Variants in BRD3OS observed in about 807,000 individuals in gnomAD.
BRD3OS encodes BRD3 opposite strand.
chr9:134,026,893 G>A lies in BRD3OS; in HGVS notation c.146G>A (p.Arg49Gln). The change falls in exon 3 of 3, where the codon CGA becomes CAA. Residue 49 changes from arginine (R) to glutamine (Q), a missense_variant. Arg to Gln is a conservative substitution (Grantham distance 43). Coordinates refer to ENST00000603928, the MANE Select transcript of BRD3OS (RefSeq NM_001355256.2). The surrounding 1 kb of genome is among the most constrained non-coding windows in gnomAD (Gnocchi z 4.4). ...VPPGTYLSRSRSMWYSQYGNE... is the reference protein window; with the variant it reads ...VPPGTYLSRSQSMWYSQYGNE... ...CCTGGGACGTACCTGAGCAGGAGCC[G>A]AAGCATGTGGTACTCACAGTATGGA... The A allele has an allele frequency of 2.5e-6, 1 of 398,968 alleles. No individual in the cohort carries two copies. The highest frequency in any genetic ancestry group is 4.4e-6 in the Non-Finnish European group (1 of 226,066). 24.7% of individuals were successfully genotyped at this position (398,968 alleles called of 1,614,324 possible).
Position 134,030,853 on chromosome 9 carries a change from C to G in BRD3OS, c.*3851C>G. On this transcript the variant is annotated 3_prime_UTR_variant, in exon 3 of 3. Coordinates refer to ENST00000603928, the MANE Select transcript of BRD3OS (RefSeq NM_001355256.2). ...GCCTCCAGGGGTCATTCAGAGTGTT[C>G]TCAAATCCAATTCCGACACACGACT... 1 of 232,544 alleles carries G rather than the reference C, an allele frequency of 4.3e-6. No homozygotes were observed. The highest frequency in any genetic ancestry group is 8.5e-6 in the Non-Finnish European group (1 of 117,586). The allele number at this position is 232,544 out of a possible 1,614,324, so 14.4% of individuals were successfully genotyped here.
Position 134,025,920 on chromosome 9 carries a change from G to A in BRD3OS, c.-711G>A, listed in dbSNP as rs961377545. The A allele has an allele frequency of 6.6e-6, 1 of 152,260 alleles. No individual in the cohort carries two copies. The highest frequency in any genetic ancestry group is 1.5e-5 in the Non-Finnish European group (1 of 68,082). 9.4% of individuals were successfully genotyped at this position (152,260 alleles called of 1,614,324 possible). ...CCTTCCGGTCCCGGGGCTGACGCCT[G>A]GCGGCGTCTCCGGGAACCCGCGCCC... On this transcript the variant is annotated 5_prime_UTR_variant, in exon 2 of 3. Coordinates refer to ENST00000603928, the MANE Select transcript of BRD3OS (RefSeq NM_001355256.2).
rs1843503058 is a variant in BRD3OS, at chr9:134,030,956, A to C, written c.*3954A>C. On this transcript the variant is annotated 3_prime_UTR_variant, in exon 3 of 3. Transcript: ENST00000603928. ...TCTCAGCAGTGGGACAATCTAATTG[A>C]ATCACCGCAGCCTTCTAATACAGAA... 1 of 231,504 alleles carries C rather than the reference A, an allele frequency of 4.3e-6. No homozygotes were observed. Among genetic ancestry groups the C allele is most frequent in the Non-Finnish European group, 8.5e-6 (1 of 116,980 alleles). The allele number at this position is 231,504 out of a possible 1,614,324, so 14.3% of individuals were successfully genotyped here.
In BRD3OS at chr9:134,027,695, T is replaced by A. The variant is rs1247970260; in HGVS notation, c.*693T>A. The A allele has an allele frequency of 6.6e-6, 1 of 152,148 alleles. No homozygotes were observed. Among genetic ancestry groups the A allele is most frequent in the Non-Finnish European group, 1.5e-5 (1 of 68,034 alleles). The allele number at this position is 152,148 out of a possible 1,614,324, so 9.4% of individuals were successfully genotyped here. A position where few individuals can be genotyped will look rare whatever the true frequency, so the allele number is the denominator to read the frequency against. ...AGAGTGCTGGGATTACAGGCATGGG[T>A]CACCGCACCAAGCCCGCATTTATAT... On this transcript the variant is annotated 3_prime_UTR_variant, in exon 3 of 3. Coordinates refer to ENST00000603928, the MANE Select transcript of BRD3OS (RefSeq NM_001355256.2).
chr9:134,026,797 C>T lies in BRD3OS; in HGVS notation c.50C>T (p.Ala17Val). The T allele has an allele frequency of 2.5e-6, 1 of 398,914 alleles. No homozygotes were observed. Among genetic ancestry groups the T allele is most frequent in the East Asian group, 3.6e-5 (1 of 28,074 alleles). 24.7% of individuals were successfully genotyped at this position (398,914 alleles called of 1,614,324 possible). The change falls in exon 3 of 3, where the codon GCC becomes GTC. Residue 17 changes from alanine (A) to valine (V), a missense_variant. Transcript: ENST00000603928. The surrounding 1 kb of genome is among the most constrained non-coding windows in gnomAD (Gnocchi z 4.4). ...LAEKALSEGY[A>V]RLRYRDTSLL... is the part of the protein sequence containing the mutation. ...GAGAAGGCCTTGTCTGAAGGCTACG[C>T]CCGCCTCCGGTACAGGGACACCTCC...
rs1165828885 is a variant in BRD3OS, at chr9:134,028,059, A to G, written c.*1057A>G. 1 of 152,244 alleles carries G rather than the reference A, an allele frequency of 6.6e-6. No individual in the cohort carries two copies. The highest frequency in any genetic ancestry group is 1.5e-5 in the Non-Finnish European group (1 of 68,050). The allele number at this position is 152,244 out of a possible 1,614,324, so 9.4% of individuals were successfully genotyped here. On this transcript the variant is annotated 3_prime_UTR_variant, in exon 3 of 3. Transcript: ENST00000603928. Reference sequence around the variant, plus strand: ...ACAAATGTGCAGGTGTCTCTTGTCAAAGCTAATTTTTCTTTTCTAAATAAA... The same window carrying G: ...ACAAATGTGCAGGTGTCTCTTGTCAGAGCTAATTTTTCTTTTCTAAATAAA...
Position 134,027,494 on chromosome 9 carries a change from G to A in BRD3OS, c.*492G>A, listed in dbSNP as rs1343229368. The A allele has an allele frequency of 6.6e-6, 1 of 152,180 alleles. No homozygotes were observed. Among genetic ancestry groups the A allele is most frequent in the African/African-American group, 2.4e-5 (1 of 41,410 alleles). The allele number at this position is 152,180 out of a possible 1,614,324, so 9.4% of individuals were successfully genotyped here. A position where few individuals can be genotyped will look rare whatever the true frequency, so the allele number is the denominator to read the frequency against. Reference sequence around the variant, plus strand: ...GGGTCTCACTCTGTTACCCAGGCTGGAATACAGTGGCACAATCACAGCTCA... The same window carrying A: ...GGGTCTCACTCTGTTACCCAGGCTGAAATACAGTGGCACAATCACAGCTCA... On this transcript the variant is annotated 3_prime_UTR_variant, in exon 3 of 3. Transcript: ENST00000603928.
chr9:134,025,848 C>T lies in BRD3OS; in HGVS notation c.-783C>T, dbSNP rs544529113. The T allele has an allele frequency of 6.6e-6, 1 of 152,340 alleles. No individual in the cohort carries two copies. The highest frequency in any genetic ancestry group is 2.1e-4 in the South Asian group (1 of 4,832). The allele number at this position is 152,340 out of a possible 1,614,324, so 9.4% of individuals were successfully genotyped here. A position where few individuals can be genotyped will look rare whatever the true frequency, so the allele number is the denominator to read the frequency against. ...CATCGTTTTTGTTTGGGTCCAGGGG[C>T]CTCACGGGAGCTGGATGCTCGGAGC... On this transcript the variant is annotated 5_prime_UTR_variant, in exon 2 of 3. Transcript: ENST00000603928.
In BRD3OS at chr9:134,027,401, C is replaced by CG. The variant is rs1280949399; in HGVS notation, c.*401dup. On this transcript the variant is annotated 3_prime_UTR_variant, in exon 3 of 3. Coordinates refer to ENST00000603928, the MANE Select transcript of BRD3OS (RefSeq NM_001355256.2). ...AGTTTTTTGTTTTTAGCATAAATGG[C>CG]GGAGTAGCAGCAGCATCTCACCAGG... 1 of 155,770 alleles carries CG rather than the reference C, an allele frequency of 6.4e-6. No individual in the cohort carries two copies. Among genetic ancestry groups the CG allele is most frequent in the Non-Finnish European group, 1.4e-5 (1 of 70,690 alleles). The allele number at this position is 155,770 out of a possible 1,614,324, so 9.6% of individuals were successfully genotyped here.
chr9:134,026,806 G>A lies in BRD3OS; in HGVS notation c.59G>A (p.Arg20Gln), dbSNP rs1564542617. The change falls in exon 3 of 3, where the codon CGG (arginine) becomes CAG (glutamine). Residue 20 changes from arginine to glutamine, a missense_variant. Coordinates refer to ENST00000603928, the MANE Select transcript of BRD3OS (RefSeq NM_001355256.2). The surrounding 1 kb of genome is among the most constrained non-coding windows in gnomAD (Gnocchi z 4.4). ...KALSEGYARL[R>Q]YRDTSLLIWQ... Reference sequence around the variant, plus strand: ...TTGTCTGAAGGCTACGCCCGCCTCCGGTACAGGGACACCTCCTTGCTCATC... The same window carrying A: ...TTGTCTGAAGGCTACGCCCGCCTCCAGTACAGGGACACCTCCTTGCTCATC... The A allele has an allele frequency of 7.5e-6, 3 of 398,890 alleles. No homozygotes were observed. The East Asian group carries it at 1.1e-4, about 14-fold the overall frequency. 24.7% of individuals were successfully genotyped at this position (398,890 alleles called of 1,614,324 possible).
rs1424408845 is a variant in BRD3OS, at chr9:134,026,630, T to G, written c.-118T>G. 3 of 396,720 alleles carry G rather than the reference T, an allele frequency of 7.6e-6. No homozygotes were observed. The highest frequency in any genetic ancestry group is 1.3e-5 in the Non-Finnish European group (3 of 225,498). 24.6% of individuals were successfully genotyped at this position (396,720 alleles called of 1,614,324 possible). A position where few individuals can be genotyped will look rare whatever the true frequency, so the allele number is the denominator to read the frequency against. On this transcript the variant is annotated 5_prime_UTR_variant, in exon 3 of 3. Transcript: ENST00000603928. This position sits in a 1 kb window ranked among gnomAD's most constrained non-coding sequence, Gnocchi z 4.4. ...TGGGCGGAATTCCTAATTTCTACCA[T>G]TCAGTTAAACGAGGGATCCTTAAGC...
chr9:134,031,200 A>G lies in BRD3OS; in HGVS notation c.*4198A>G, dbSNP rs1843506441. 4.5e-6 allele frequency: 1 copy of G among 221,190 alleles called. No individual in the cohort carries two copies. The highest frequency in any genetic ancestry group is 9.0e-6 in the Non-Finnish European group (1 of 110,518). 13.7% of individuals were successfully genotyped at this position (221,190 alleles called of 1,614,324 possible). Reference sequence around the variant, plus strand: ...GCAGAGGCGAGCCGACGCCACCGTCACAGAGAACCAGCCGAGAAGGAAAGG... The same window carrying G: ...GCAGAGGCGAGCCGACGCCACCGTCGCAGAGAACCAGCCGAGAAGGAAAGG... On this transcript the variant is annotated 3_prime_UTR_variant, in exon 3 of 3. Coordinates refer to ENST00000603928, the MANE Select transcript of BRD3OS (RefSeq NM_001355256.2).
In BRD3OS at chr9:134,029,791, T is replaced by C. The variant is rs1843483631; in HGVS notation, c.*2789T>C. ...GGAGGGGACAAGCGGCCAGGTTGAC[T>C]AGAAGAGCACAGAACCTGGCTGTCT... On this transcript the variant is annotated 3_prime_UTR_variant, in exon 3 of 3. Transcript: ENST00000603928. 6.6e-6 allele frequency: 1 copy of C among 152,340 alleles called. No individual in the cohort carries two copies. Among genetic ancestry groups the C allele is most frequent in the Admixed American group, 6.5e-5 (1 of 15,298 alleles). 9.4% of individuals were successfully genotyped at this position (152,340 alleles called of 1,614,324 possible).
Position 134,027,179 on chromosome 9 carries a change from C to T in BRD3OS, c.*177C>T, listed in dbSNP as rs1165458058. The T allele has an allele frequency of 2.6e-6, 1 of 379,084 alleles. No individual in the cohort carries two copies. 23.5% of individuals were successfully genotyped at this position (379,084 alleles called of 1,614,324 possible). A position where few individuals can be genotyped will look rare whatever the true frequency, so the allele number is the denominator to read the frequency against. ...GAATTGGCCCCCGAACCCCTCAGCA[C>T]AGCCGCGGTGTGACTGGTGCACAGG... On this transcript the variant is annotated 3_prime_UTR_variant, in exon 3 of 3. Transcript: ENST00000603928.
rs1425622878 is a variant in BRD3OS, at chr9:134,029,613, C to T, written c.*2611C>T. On this transcript the variant is annotated 3_prime_UTR_variant, in exon 3 of 3. Coordinates refer to ENST00000603928, the MANE Select transcript of BRD3OS (RefSeq NM_001355256.2). ...TGGCATGTCTCTTCCAGGCCTAGTT[C>T]CAGAGCTGTCATTCTTCGGCGAGCC... is the stretch of plus-strand genomic sequence containing the variant. 1 of 152,266 alleles carries T rather than the reference C, an allele frequency of 6.6e-6. No individual in the cohort carries two copies. Among genetic ancestry groups the T allele is most frequent in the Non-Finnish European group, 1.5e-5 (1 of 68,066 alleles). 9.4% of individuals were successfully genotyped at this position (152,266 alleles called of 1,614,324 possible). A position where few individuals can be genotyped will look rare whatever the true frequency, so the allele number is the denominator to read the frequency against.
Position 134,027,339 on chromosome 9 carries a change from C to G in BRD3OS, c.*337C>G. 4.7e-6 allele frequency: 1 copy of G among 211,738 alleles called. No individual in the cohort carries two copies. Among genetic ancestry groups the G allele is most frequent in the Non-Finnish European group, 9.3e-6 (1 of 107,734 alleles). The allele number at this position is 211,738 out of a possible 1,614,324, so 13.1% of individuals were successfully genotyped here. On this transcript the variant is annotated 3_prime_UTR_variant, in exon 3 of 3. Coordinates refer to ENST00000603928, the MANE Select transcript of BRD3OS (RefSeq NM_001355256.2). ...CCAGGCCAAGAGTAACCCTCCCATC[C>G]CCATTACAAACCACCTTTTCAAGTT...
Position 134,031,188 on chromosome 9 carries a change from G to A in BRD3OS, c.*4186G>A, listed in dbSNP as rs923308489. On this transcript the variant is annotated 3_prime_UTR_variant, in exon 3 of 3. Transcript: ENST00000603928. ...TAGATGAAAGGAGCAGAGGCGAGCCGACGCCACCGTCACAGAGAACCAGCC... is the reference window on the plus strand; with the variant it reads ...TAGATGAAAGGAGCAGAGGCGAGCCAACGCCACCGTCACAGAGAACCAGCC... The A allele has an allele frequency of 3.1e-5, 7 of 222,912 alleles. No individual in the cohort carries two copies. The highest frequency in any genetic ancestry group is 2.6e-4 in the East Asian group (4 of 15,464). 13.8% of individuals were successfully genotyped at this position (222,912 alleles called of 1,614,324 possible).
Position 134,025,993 on chromosome 9 carries a change from C to G in BRD3OS, c.-638C>G, listed in dbSNP as rs925808420. On this transcript the variant is annotated 5_prime_UTR_variant, in exon 2 of 3. Transcript: ENST00000603928. ...TTTCACAGATGGAGACCCTGAAGCC[C>G]CAACAAGCAGCCTCCCCAGCACCTC... 1 of 152,190 alleles carries G rather than the reference C, an allele frequency of 6.6e-6. No homozygotes were observed. 9.4% of individuals were successfully genotyped at this position (152,190 alleles called of 1,614,324 possible).
rs1006426202 is a variant in BRD3OS at position 134,030,996 on chromosome 9, T to C, written c.*3994T>C. 2.2e-5 allele frequency: 5 copies of C among 231,020 alleles called. No individual in the cohort carries two copies. Among genetic ancestry groups the C allele is most frequent in the Non-Finnish European group, 4.3e-5 (5 of 116,688 alleles). The allele number at this position is 231,020 out of a possible 1,614,324, so 14.3% of individuals were successfully genotyped here. On this transcript the variant is annotated 3_prime_UTR_variant, in exon 3 of 3. Transcript: ENST00000603928. ...CTAATACAGAAGAAACGGACGTGAC[T>C]GTCACCCTCAGCCCGCCAGCAAGGG...
Sources: allele counts gnomAD v4.1 joint callset, GRCh38; gene constraint gnomAD v4.1.1; non-coding constraint Gnocchi (gnomAD v3.1); transcripts MANE v1.5; gene names NCBI Gene and HGNC (gene_info 2026-07-23, HGNC 2026-07-21).